GRM3: variants seen among roughly 807,000 people sequenced by gnomAD.
GRM3 encodes metabotropic glutamate receptor 3.
A neutral mutation model predicts 70.5 loss-of-function variants in GRM3; 26 were observed. That is an observed-to-expected ratio of 0.37 (90% confidence interval 0.27 to 0.51). The LOEUF (loss-of-function observed/expected upper bound fraction) is 0.51, where lower values mean the gene tolerates loss of function less well. Ranked by LOEUF, GRM3 falls within the 20% of genes least tolerant of loss-of-function variation. GRM3 has a pLI of 0.93. For missense variants in GRM3, 859 were observed against 1,123.8 expected (o/e 0.76, Z 3.37); for synonymous variants, 443 against 434.9 (o/e 1.02, Z -0.23).
chr7:86,748,123 T>C (rs1025723708), intron 1 of GRM3, among the ~76,000 whole-genome samples: 1 of 152,094 alleles, frequency 6.6e-6, no homozygotes, highest in East Asian at 1.9e-4. Flanking sequence ...ACCTATTATT[T>C]CGCTTTTTGC....
intron 3 of GRM3, among the ~76,000 whole-genome samples, chr7:86,796,059 T>C (rs1005046300): frequency 2.6e-5 from 4 of 152,236 alleles, no homozygotes; most frequent in Admixed American, 2.0e-4. Context: ...AGAATCTCTT[T>C]AGTTTAATTA....
rs565627104 is a variant in GRM3, at chr7:86,649,753, C to G, written c.-141+4881C>G. On this transcript the variant is annotated intron_variant, in intron 1 of 5. Transcript: ENST00000361669. ...GAGTATAAAATTTGAGAAGATTCCT[C>G]TAAGAAAGAGTCTATCATCAGAAAG... Among the ~76,000 whole-genome samples, 122 of 151,998 alleles carry G rather than the reference C, an allele frequency of 8.0e-4. No individual in the cohort carries two copies. The Middle Eastern group carries it at 0.02, about 25-fold the overall frequency.
intron 3 of GRM3, among the ~76,000 whole-genome samples, chr7:86,826,005 C>G (rs1025328721): frequency 6.6e-6 from 1 of 152,180 alleles, no homozygotes; most frequent in South Asian, 2.1e-4. Flanking sequence ...ATGTTTATGC[C>G]TTTTTAAAAA....
At chr7:86,653,723 C>T (rs1354605330) in intron 1 of GRM3, among the ~76,000 whole-genome samples, 2 of 151,612 alleles carry the variant, frequency 1.3e-5, no homozygotes, top group Non-Finnish European at 2.9e-5. Context: ...AGAGAAGTTA[C>T]TGGTATTTGA....
chr7:86,720,549 G>A (rs1795433416), intron 1 of GRM3, among the ~76,000 whole-genome samples: 1 of 152,012 alleles, frequency 6.6e-6, no homozygotes, highest in African/African-American at 2.4e-5. Context: ...AGTTAGAGAG[G>A]CAATAGCCTA....
intron 1 of GRM3, among the ~76,000 whole-genome samples, chr7:86,654,195 A>AG (rs1404514515): frequency 6.6e-6 from 1 of 152,136 alleles, no homozygotes; most frequent in Admixed American, 6.5e-5. Context: ...AGGGAGGGGG[A>AG]GGCTCAGCCT....
chr7:86,768,034 T>C (rs541881047), intron 2 of GRM3, among the ~76,000 whole-genome samples: 214 of 152,172 alleles, frequency 1.4e-3, no homozygotes, highest in African/African-American at 4.9e-3. Context: ...CTTCACAGCA[T>C]AAATAAAAGA....
intron 1 of GRM3, among the ~76,000 whole-genome samples, chr7:86,748,732 G>T (rs957294360): frequency 2.0e-5 from 3 of 151,934 alleles, no homozygotes; most frequent in Admixed American, 1.3e-4. Context: ...ACATTAAAAG[G>T]TATACTGTGA....
intron 1 of GRM3, among the ~76,000 whole-genome samples, chr7:86,763,371 A>G (rs543833164): frequency 1.3e-5 from 2 of 152,218 alleles, no homozygotes; most frequent in Non-Finnish European, 2.9e-5. Context: ...TAATACGTTC[A>G]TCTTATCTTG....
At position 86,864,517 on chromosome 7, in the gene GRM3, A is replaced by T; in HGVS notation, c.*162A>T. On this transcript the variant is annotated 3_prime_UTR_variant, in exon 6 of 6. Transcript: ENST00000361669. ...AGGACTGTATATAGTGATGTGCTAG[A>T]ACTTTCTAGGCTGAGTCTAGTGCCC... is the stretch of plus-strand genomic sequence containing the variant. 1 of 601,148 alleles carries T rather than the reference A, an allele frequency of 1.7e-6. No individual in the cohort carries two copies. The highest frequency in any genetic ancestry group is 2.0e-5 in the South Asian group (1 of 50,210). 37.2% of individuals were successfully genotyped at this position (601,148 alleles called of 1,614,324 possible). A position where few individuals can be genotyped will look rare whatever the true frequency, so the allele number is the denominator to read the frequency against.
At chr7:86,724,590 C>A (rs1795549003) in intron 1 of GRM3, among the ~76,000 whole-genome samples, 1 of 152,162 alleles carries the variant, frequency 6.6e-6, no homozygotes. Context: ...CCAAAATCAG[C>A]TGAATCAGTG....
chr7:86,778,845 C>A (rs1027840255), intron 2 of GRM3, among the ~76,000 whole-genome samples: 1 of 152,106 alleles, frequency 6.6e-6, no homozygotes, highest in African/African-American at 2.4e-5. Context: ...GAAGTTCCAA[C>A]CCCCAGTACC....
Position 86,839,543 on chromosome 7 carries a change from G to A in GRM3, c.2029G>A (p.Ala677Thr), listed in dbSNP as rs563221454. The A allele has an allele frequency of 5.3e-5, 85 of 1,607,900 alleles. No homozygotes were observed. The highest frequency in any genetic ancestry group is 4.5e-4 in the South Asian group (41 of 90,298). ...ARIFDGVKNGAQRPKFISPSS... is the reference protein window; with the variant it reads ...ARIFDGVKNGTQRPKFISPSS... ...CATCTTCGATGGGGTCAAGAATGGC[G>A]CTCAGAGGCCAAAATTCATCAGCCC... Residue 677 changes from alanine to threonine, a missense_variant, in exon 4 of 6, where the codon GCT becomes ACT. Transcript: ENST00000361669. The surrounding 1 kb of genome is among the most constrained non-coding windows in gnomAD (Gnocchi z 4.5).
At chr7:86,804,308 A>G (rs1424514937) in intron 3 of GRM3, among the ~76,000 whole-genome samples, 2 of 152,238 alleles carry the variant, frequency 1.3e-5, no homozygotes, top group Non-Finnish European at 2.9e-5. Flanking sequence ...TCAGTGGATT[A>G]GGGCAAATCT....
intron 5 of GRM3, among the ~76,000 whole-genome samples, chr7:86,853,847 G>A (rs1163831181): frequency 6.6e-6 from 1 of 152,172 alleles, no homozygotes; most frequent in Non-Finnish European, 1.5e-5. Flanking sequence ...TCTGCTCCAT[G>A]AGGCTGACGT....
chr7:86,713,820 A>T (rs1476363274), intron 1 of GRM3, among the ~76,000 whole-genome samples: 1 of 152,018 alleles, frequency 6.6e-6, no homozygotes, highest in Non-Finnish European at 1.5e-5. Flanking sequence ...TATATATGAC[A>T]ACAATAAAAA....
At chr7:86,646,006 TGGGGGG>T (rs1383756914) in intron 1 of GRM3, among the ~76,000 whole-genome samples, 20 of 10,644 alleles carry the variant, frequency 1.9e-3, no homozygotes, top group African/African-American at 5.4e-3. Context: ...GGTGGGGGGG[TGGGGGG>T]GGGTGGGAGG....
intron 5 of GRM3, among the ~76,000 whole-genome samples, chr7:86,861,528 TG>T (rs1798958410): frequency 6.6e-6 from 1 of 152,122 alleles, no homozygotes; most frequent in African/African-American, 2.4e-5. Flanking sequence ...TTAAATTAAG[TG>T]GCCTGATGAC....
chr7:86,838,324 C>T (rs1266205339), intron 3 of GRM3, among the ~76,000 whole-genome samples: 4 of 152,044 alleles, frequency 2.6e-5, no homozygotes, highest in African/African-American at 9.7e-5. Context: ...ATCATCTGAA[C>T]TATTGAAAAG....
Sources: allele counts gnomAD v4.1 joint callset (sites outside exome capture counted in the v4.1 genomes callset), GRCh38; gene constraint gnomAD v4.1.1; non-coding constraint Gnocchi (gnomAD v3.1); transcripts MANE v1.5; gene names NCBI Gene and HGNC (gene_info 2026-07-23, HGNC 2026-07-21).